NME9: variants seen among roughly 807,000 people sequenced by gnomAD.
The protein encoded by NME9 is thioredoxin domain-containing protein 6.
Under a neutral mutation model 44.4 loss-of-function variants are expected in NME9, and 48 were observed. The ratio of observed to expected loss-of-function variants is 1.08; its 90% CI spans 0.86 to 1.37. NME9 has a LOEUF of 1.37. Among genes scored for constraint, NME9 ranks in the 40% most tolerant of loss-of-function variants. The pLI is 0.00. For synonymous variants in NME9, 139 were observed against 147.1 expected (o/e 0.94, Z 0.40); for missense variants, 325 against 405.2 (o/e 0.80, Z 1.70).
chr3:138,267,640 G>A (rs2048394124), intron 8 of NME9, among the ~76,000 whole-genome samples: 1 of 152,160 alleles, frequency 6.6e-6, no homozygotes. Context: ...GCTGTCATTG[G>A]AAAATCATCT....
chr3:138,276,262 T>C (rs1317677534), intron 8 of NME9, among the ~76,000 whole-genome samples: 2 of 152,238 alleles, frequency 1.3e-5, no homozygotes, highest in Middle Eastern at 3.2e-3. Flanking sequence ...AATTATTTTT[T>C]TGACTGACAT....
At chr3:138,287,693 C>T in intron 8 of NME9, 1 of 456,630 alleles carries the variant, frequency 2.2e-6, no homozygotes, top group Middle Eastern at 3.3e-4. Flanking sequence ...GAATCACTAG[C>T]CATAGAATTC....
downstream of NME9, among the ~76,000 whole-genome samples, chr3:138,300,014 C>A (rs1341141648): frequency 6.6e-6 from 1 of 152,158 alleles, no homozygotes; most frequent in African/African-American, 2.4e-5. Context: ...GAAGTGGGCA[C>A]AGACCATATG....
At chr3:138,281,354 G>A (rs1474052037) in intron 8 of NME9, among the ~76,000 whole-genome samples, 2 of 151,020 alleles carry the variant, frequency 1.3e-5, no homozygotes, top group South Asian at 2.1e-4. Context: ...GTGCAGTGAC[G>A]CGATATCGGC....
intron 8 of NME9, among the ~76,000 whole-genome samples, chr3:138,291,715 T>C (rs1375752028): frequency 1.3e-5 from 2 of 152,222 alleles, no homozygotes; most frequent in Non-Finnish European, 2.9e-5. Flanking sequence ...ATCAGAGACC[T>C]GAATGAAATA....
At chr3:138,313,508 A>G (rs1173080275) in intron 6 of NME9, among the ~76,000 whole-genome samples, 1 of 152,214 alleles carries the variant, frequency 6.6e-6, no homozygotes, top group Non-Finnish European at 1.5e-5. Context: ...AGAAAACAGT[A>G]TGGAGGTCCC....
intron 8 of NME9, chr3:138,273,157 C>T (rs2048943236): frequency 6.3e-7 from 1 of 1,577,716 alleles, no homozygotes; most frequent in East Asian, 2.3e-5. Flanking sequence ...GCTAGCCCTG[C>T]ATATGCATTG....
At chr3:138,265,090 T>C (rs968432760) in intron 8 of NME9, among the ~76,000 whole-genome samples, 2 of 151,912 alleles carry the variant, frequency 1.3e-5, no homozygotes, top group Non-Finnish European at 2.9e-5. Flanking sequence ...TGAGACAAGG[T>C]CTCGCCAAGT....
At chr3:138,277,930 A>G (rs775674762) in intron 8 of NME9, among the ~76,000 whole-genome samples, 11 of 152,228 alleles carry the variant, frequency 7.2e-5, no homozygotes, top group Non-Finnish European at 1.6e-4. Context: ...AAGAGGGACA[A>G]ACTGTTGCTG....
intron 8 of NME9, among the ~76,000 whole-genome samples, chr3:138,293,972 C>G (rs909127109): frequency 6.6e-6 from 1 of 152,094 alleles, no homozygotes; most frequent in Non-Finnish European, 1.5e-5. Flanking sequence ...CAACCTGAGT[C>G]CATCTAAGAA....
chr3:138,262,869 A>G (rs1443187081), intron 8 of NME9, among the ~76,000 whole-genome samples: 3 of 152,238 alleles, frequency 2.0e-5, no homozygotes, highest in Non-Finnish European at 2.9e-5. Context: ...CTGAGCATAT[A>G]GACTCTGGAG....
chr3:138,317,985 T>C (rs1380081790), intron 4 of NME9, among the ~76,000 whole-genome samples, 163 bp downstream of exon 4: 2 of 151,856 alleles, frequency 1.3e-5, no homozygotes, highest in African/African-American at 4.8e-5. Flanking sequence ...AAAAATAGAC[T>C]GGGAGGCATC....
chr3:138,273,887 G>A lies in NME9; in HGVS notation c.746-11301C>T, dbSNP rs553531008. 4.0e-5 allele frequency among the ~76,000 whole-genome samples: 6 copies of A among 151,194 alleles called. No individual in the cohort carries two copies. The South Asian group carries it at 6.3e-4, about 16-fold the overall frequency. On this transcript the variant is annotated intron_variant, in intron 8 of 8. Transcript: ENST00000317876. ...GCTGGAGTGCAGTGGCACAGTCTCC[G>A]GTCATTGCAACCTCCACTTCCCGGG...
chr3:138,301,598 T>C lies in NME9; in HGVS notation c.*42A>G, dbSNP rs2108425053. On this transcript the variant is annotated 3_prime_UTR_variant, in exon 11 of 11. Transcript: ENST00000333911. ...GATTCCGGAGGTCTGTTTTGTGCAGTAGACCCCTGGTCACGTGCTCTGGAA... is the reference window on the plus strand; with the variant it reads ...GATTCCGGAGGTCTGTTTTGTGCAGCAGACCCCTGGTCACGTGCTCTGGAA... 1.3e-6 allele frequency: 2 copies of C among 1,535,694 alleles called. No individual in the cohort carries two copies. The highest frequency in any genetic ancestry group is 1.4e-5 in the African/African-American group (1 of 73,130).
At chr3:138,296,006 T>C (rs895694862), downstream of NME9, 8 of 1,162,912 alleles carry the variant, frequency 6.9e-6, no homozygotes, top group Non-Finnish European at 9.6e-6. Flanking sequence ...TGCAGGGAGC[T>C]GTTTTGCAAA....
At position 138,324,948 on chromosome 3, in the gene NME9, CA is replaced by C; in HGVS notation, c.34-19del. 2 of 1,609,090 alleles carry C rather than the reference CA, an allele frequency of 1.2e-6. No individual in the cohort carries two copies. Among genetic ancestry groups the C allele is most frequent in the Non-Finnish European group, 1.7e-6 (2 of 1,175,584 alleles). ...ATGTTGACCTAAAGCCAAAGAGGAT[CA>C]AATGCCGTATTACTGAGGGCTCAGG... On this transcript the variant is annotated intron_variant, in intron 1 of 10. Coordinates refer to ENST00000333911, the MANE Select transcript of NME9 (RefSeq NM_001349018.2).
At chr3:138,312,508 G>A (rs909807858) in intron 6 of NME9, among the ~76,000 whole-genome samples, 2 of 152,172 alleles carry the variant, frequency 1.3e-5, no homozygotes, top group African/African-American at 2.4e-5. Flanking sequence ...TGGTGAAAAG[G>A]ACATTCTCTT....
Position 138,301,569 on chromosome 3 carries a change from T to A in NME9, c.*71A>T. On this transcript the variant is annotated 3_prime_UTR_variant, in exon 11 of 11. Transcript: ENST00000333911. ...AAGTATTGGTACTCAAAAGAGTAAGTTCCGATTCCGGAGGTCTGTTTTGTG... is the reference window on the plus strand; with the variant it reads ...AAGTATTGGTACTCAAAAGAGTAAGATCCGATTCCGGAGGTCTGTTTTGTG... 2 of 1,523,064 alleles carry A rather than the reference T, an allele frequency of 1.3e-6. No individual in the cohort carries two copies. The highest frequency in any genetic ancestry group is 1.8e-6 in the Non-Finnish European group (2 of 1,141,900). The allele number at this position is 1,523,064 out of a possible 1,614,324, so 94.3% of individuals were successfully genotyped here.
chr3:138,317,297 A>G (rs886584037), intron 4 of NME9, among the ~76,000 whole-genome samples: 1 of 152,248 alleles, frequency 6.6e-6, no homozygotes, highest in Non-Finnish European at 1.5e-5. Context: ...TAATACTTGC[A>G]GTGCTGAGGC....
Sources: gnomAD v4.1 joint callset for allele counts (sites outside exome capture counted in the v4.1 genomes callset) on GRCh38, gnomAD v4.1.1 for gene constraint, MANE v1.5 for transcripts, NCBI Gene and HGNC (gene_info 2026-07-23, HGNC 2026-07-21) for gene names.